Variants in SETX observed in about 807,000 individuals in gnomAD.
SETX encodes helicase senataxin.
In SETX, 90 loss-of-function variants were observed where a neutral mutation model predicts 227.2. That is an observed-to-expected ratio of 0.40 (90% confidence interval 0.33 to 0.47). The LOEUF (loss-of-function observed/expected upper bound fraction) is 0.47, where lower values mean the gene tolerates loss of function less well. SETX is among the 20% of genes least tolerant of loss of function. SETX has a pLI of 0.91. For missense variants in SETX, 3,052 were observed against 3,181.5 expected (o/e 0.96, Z 0.98); for synonymous variants, 1,210 against 1,113.2 (o/e 1.09, Z -1.73).
At chr9:132,312,063 A>G (rs1277990977) in intron 10 of SETX, among the ~76,000 whole-genome samples, 2 of 152,368 alleles carry the variant, frequency 1.3e-5, no homozygotes, top group African/African-American at 2.4e-5. Flanking sequence ...GGTTATTTAC[A>G]TTTAATAAAA....
At chr9:132,305,608 T>G (rs1437838171) in intron 11 of SETX, among the ~76,000 whole-genome samples, 7 of 152,264 alleles carry the variant, frequency 4.6e-5, no homozygotes, top group Middle Eastern at 3.4e-3. Flanking sequence ...CTTCTATGTT[T>G]TTCTTGCCAA....
chr9:132,335,721 T>C (rs1300129490), intron 6 of SETX, among the ~76,000 whole-genome samples: 1 of 152,200 alleles, frequency 6.6e-6, no homozygotes, highest in Non-Finnish European at 1.5e-5. Flanking sequence ...TACACTAATA[T>C]TTTGTTAATA....
chr9:132,290,246 A>C (rs900226977), intron 15 of SETX, among the ~76,000 whole-genome samples: 1 of 150,746 alleles, frequency 6.6e-6, no homozygotes, highest in South Asian at 2.1e-4. Flanking sequence ...ATTCGTCTTT[A>C]TTTTTTTTCC....
At position 132,270,318 on chromosome 9, in the gene SETX, C is replaced by T. The variant is rs563229521; in HGVS notation, c.7200-616G>A. On this transcript the variant is annotated intron_variant, in intron 24 of 25. Transcript: ENST00000224140. ...ACAGGTAGACTCTAGAATGACTCAG[C>T]GTGCCCGTGTGAGACACAGGTGGAC... Among the ~76,000 whole-genome samples, 6 of 151,994 alleles carry T rather than the reference C, an allele frequency of 3.9e-5. No individual in the cohort carries two copies. The East Asian group carries it at 1.2e-3, about 30-fold the overall frequency.
At chr9:132,284,114 G>C (rs898990486) in intron 18 of SETX, among the ~76,000 whole-genome samples, 1 of 152,166 alleles carries the variant, frequency 6.6e-6, no homozygotes, top group African/African-American at 2.4e-5. Flanking sequence ...CAAGGCATTC[G>C]TGTGAGCTTT....
At chr9:132,289,904 G>A (rs1844187797) in intron 15 of SETX, among the ~76,000 whole-genome samples, 1 of 151,590 alleles carries the variant, frequency 6.6e-6, no homozygotes, top group Non-Finnish European at 1.5e-5. Context: ...TTCTTCTATT[G>A]GGTTTTTTAA....
chr9:132,278,021 G>T, intron 21 of SETX, 49 bp downstream of exon 21: 2 of 1,529,192 alleles, frequency 1.3e-6, no homozygotes, highest in Non-Finnish European at 1.8e-6. Context: ...TTCTTCATAA[G>T]TAGCTAAACT....
chr9:132,268,280 G>A (rs955820450), intron 25 of SETX, among the ~76,000 whole-genome samples: 2 of 152,180 alleles, frequency 1.3e-5, no homozygotes, highest in Non-Finnish European at 2.9e-5. Flanking sequence ...TTTTTAGGCC[G>A]AGGTGGGATG....
At chr9:132,322,722 T>C (rs766861453) in intron 10 of SETX, among the ~76,000 whole-genome samples, 4 of 152,104 alleles carry the variant, frequency 2.6e-5, no homozygotes, top group African/African-American at 7.2e-5. Context: ...CCAGAAATCA[T>C]TACCACCTGA....
At chr9:132,282,855 G>A (rs534624619) in intron 19 of SETX, 19 of 225,912 alleles carry the variant, frequency 8.4e-5, no homozygotes, top group African/African-American at 4.1e-4. Context: ...CTGACTCTAC[G>A]TTCTGACAAA....
rs937771987 is a variant in SETX, at chr9:132,261,883, G to T, written c.*2356C>A. 1 of 154,472 alleles carries T rather than the reference G, an allele frequency of 6.5e-6. No homozygotes were observed. Among genetic ancestry groups the T allele is most frequent in the Non-Finnish European group, 1.5e-5 (1 of 68,224 alleles). The allele number at this position is 154,472 out of a possible 1,614,324, so 9.6% of individuals were successfully genotyped here. A position where few individuals can be genotyped will look rare whatever the true frequency, so the allele number is the denominator to read the frequency against. ...TTTCTTTTAATGCCATGGCAAAGAC[G>T]AAGCGAAGAGCCACACTTCACACCT... On this transcript the variant is annotated 3_prime_UTR_variant, in exon 26 of 26. Coordinates refer to ENST00000224140, the MANE Select transcript of SETX (RefSeq NM_015046.7).
rs1037627289 is a variant in SETX, at chr9:132,335,241, A to T, written c.719-514T>A. Reference sequence around the variant, plus strand: ...CCGTCTCTACTAAAAATACAAAAAAATTAGCCAGGCGTGGTGGCAGGCGCC... The same window carrying T: ...CCGTCTCTACTAAAAATACAAAAAATTTAGCCAGGCGTGGTGGCAGGCGCC... On this transcript the variant is annotated intron_variant, in intron 6 of 25. Transcript: ENST00000224140. 5.9e-5 allele frequency among the ~76,000 whole-genome samples: 9 copies of T among 151,612 alleles called. No homozygotes were observed. In the South Asian group the frequency reaches 6.3e-4, roughly 11 times the overall value.
chr9:132,297,942 T>A (rs1844765983), intron 13 of SETX, 138 bp downstream of exon 13: 1 of 738,466 alleles, frequency 1.4e-6, no homozygotes. Flanking sequence ...TACTTTGCAA[T>A]ACTAAAGAAA....
chr9:132,338,265 T>A (rs1275027171), intron 5 of SETX, among the ~76,000 whole-genome samples: 2 of 151,846 alleles, frequency 1.3e-5, no homozygotes, highest in African/African-American at 4.8e-5. Context: ...CTAACTTTTG[T>A]TATTTTTAGT....
At chr9:132,275,457 A>C (rs1564475264) in intron 22 of SETX, 37 bp from the exon 23 acceptor site, 1 of 1,549,752 alleles carries the variant, frequency 6.5e-7, no homozygotes. Flanking sequence ...AGTGTTATCA[A>C]AACTAATAGC....
In SETX at chr9:132,281,484, G is replaced by C. The variant is rs1843502057; in HGVS notation, c.6637C>G (p.Pro2213Ala). The C allele has an allele frequency of 1.2e-6, 2 of 1,613,054 alleles. No individual in the cohort carries two copies. The highest frequency in any genetic ancestry group is 1.7e-6 in the Non-Finnish European group (2 of 1,179,070). Reference sequence around the variant, plus strand: ...AAACTTACCATAGAGATGACTGTCGGAGGGAGCTGCTTAGGATCTCCTACT... The same window carrying C: ...AAACTTACCATAGAGATGACTGTCGCAGGGAGCTGCTTAGGATCTCCTACT... Reference protein sequence around the residue: ...ILVGDPKQLPPTVISMKAQEY... With the variant: ...ILVGDPKQLPATVISMKAQEY... Residue 2213 changes from proline (P) to alanine (A), a missense_variant, in exon 20 of 26, where the codon CCG (proline) becomes GCG (alanine). Physicochemically the swap from Pro to Ala is conservative, Grantham distance 27. This residue lies in a region of SETX where 412 missense variants were observed against 589.0 expected (regional missense o/e 0.70). Transcript: ENST00000224140.
chr9:132,284,733 C>CT (rs1463555593), intron 18 of SETX, among the ~76,000 whole-genome samples: 1 of 152,216 alleles, frequency 6.6e-6, no homozygotes, highest in Non-Finnish European at 1.5e-5. Flanking sequence ...AAGTGCTGTA[C>CT]TTTCTTTTGC....
At chr9:132,296,517 C>A (rs1205329347) in intron 14 of SETX, among the ~76,000 whole-genome samples, 1 of 151,682 alleles carries the variant, frequency 6.6e-6, no homozygotes, top group African/African-American at 2.4e-5. Context: ...GAGTCAAGAT[C>A]GTGCCACTGT....
In SETX at chr9:132,329,790, T is replaced by C. The variant is rs1847105859; in HGVS notation, c.1808A>G (p.Asn603Ser). The C allele has an allele frequency of 6.2e-7, 1 of 1,613,946 alleles. No individual in the cohort carries two copies. The highest frequency in any genetic ancestry group is 1.3e-5 in the African/African-American group (1 of 74,902). ...TGCAGAAGTCAGATCCACAAAAGTG[T>C]TACATGGAGGTGCTTTGAATTTTAT... Reference protein sequence around the residue: ...RNIKFKAPPCNTFVDLTSACK... With the variant: ...RNIKFKAPPCSTFVDLTSACK... The change falls in exon 10 of 26, where the codon AAC becomes AGC. Residue 603 changes from asparagine (N) to serine (S), a missense_variant. Transcript: ENST00000224140.
Sources: gnomAD v4.1 joint callset for allele counts (sites outside exome capture counted in the v4.1 genomes callset) on GRCh38, gnomAD v4.1.1 for gene constraint, gnomAD v4.1.1 regional missense constraint, MANE v1.5 for transcripts, NCBI Gene and HGNC (gene_info 2026-07-23, HGNC 2026-07-21) for gene names.